MKI67: variants seen among roughly 807,000 people sequenced by gnomAD.
MKI67 encodes marker of proliferation Ki-67.
In MKI67, 152 loss-of-function variants were observed where a neutral mutation model predicts 233.5. The observed-to-expected ratio is 0.65, with a 90% CI of 0.57 to 0.74. The LOEUF (loss-of-function observed/expected upper bound fraction) is 0.74. Ranked by LOEUF, MKI67 falls within the 30% of genes least tolerant of loss-of-function variation. The pLI is 0.00. For missense variants in MKI67, 3,940 were observed against 3,885.2 expected (o/e 1.01, Z -0.37); for synonymous variants, 1,465 against 1,418.5 (o/e 1.03, Z -0.74).
rs1160243881 is a variant in MKI67 at position 128,126,190 on chromosome 10, C to T, written c.-181G>A. ...CCGCAGGAGGAGCCGGCGCCGCGCT[C>T]ACCTCCGCCCGGTAAGCTGCGCCCG... On this transcript the variant is annotated 5_prime_UTR_variant, in exon 1 of 15. Coordinates refer to ENST00000368654, the MANE Select transcript of MKI67 (RefSeq NM_002417.5). The T allele has an allele frequency of 1.3e-5, 2 of 158,138 alleles. No individual in the cohort carries two copies. The highest frequency in any genetic ancestry group is 4.8e-5 in the African/African-American group (2 of 41,480). 9.8% of individuals were successfully genotyped at this position (158,138 alleles called of 1,614,324 possible).
At chr10:128,099,321 C>T in intron 14 of MKI67, 66 bp from the exon 15 acceptor site, 1 of 1,280,546 alleles carries the variant, frequency 7.8e-7, no homozygotes, top group East Asian at 2.4e-5. Context: ...AATCGACCTC[C>T]TCTGCAAAAC....
Position 128,106,330 on chromosome 10 carries a change from T to C in MKI67, c.5510A>G (p.Glu1837Gly), listed in dbSNP as rs771644689. The change falls in exon 13 of 15, where the codon GAG becomes GGG. Residue 1837 changes from glutamate to glycine, a missense_variant. Coordinates refer to ENST00000368654, the MANE Select transcript of MKI67 (RefSeq NM_002417.5). ...QALEELTGFR[E>G]LFQTPCTDNP... ...ATCAGTGCATGGTGTCTGGAAAAGC[T>C]CTCTGAAGCCAGTCAGTTCTTCTAG... 5 of 1,613,834 alleles carry C rather than the reference T, an allele frequency of 3.1e-6. No individual in the cohort carries two copies. In the East Asian group the frequency reaches 8.9e-5, roughly 29 times the overall value.
chr10:128,103,870 A>G lies in MKI67; in HGVS notation c.7970T>C (p.Val2657Ala), dbSNP rs1487801069. The G allele has an allele frequency of 3.7e-6, 6 of 1,613,112 alleles. No homozygotes were observed. The African/African-American group carries it at 4.0e-5, about 11-fold the overall frequency. ...KQRAKKKPNPVEEEPSRRRPR... is the reference protein window; with the variant it reads ...KQRAKKKPNPAEEEPSRRRPR... Reference sequence around the variant, plus strand: ...CCTTCTCCTGCTGGGTTCCTCTTCTACTGGGTTTGGTTTCTTCTTTGCACG... The same window carrying G: ...CCTTCTCCTGCTGGGTTCCTCTTCTGCTGGGTTTGGTTTCTTCTTTGCACG... The change falls in exon 13 of 15, where the codon GTA becomes GCA. Residue 2657 changes from valine to alanine, a missense_variant. Transcript: ENST00000368654.
At position 128,111,830 on chromosome 10, in the gene MKI67, G is replaced by A. The variant is rs1204473796; in HGVS notation, c.2089-14C>T. 7 of 1,612,410 alleles carry A rather than the reference G, an allele frequency of 4.3e-6. No individual in the cohort carries two copies. Among genetic ancestry groups the A allele is most frequent in the Non-Finnish European group, 5.9e-6 (7 of 1,179,422 alleles). ...GCCCACAGGCTTCTGTAGAAAACAG[G>A]AAGGAGGTAAACAGGACATTAAAGC... On this transcript the variant is annotated splice_polypyrimidine_tract_variant and intron_variant, in intron 10 of 14. Coordinates refer to ENST00000368654, the MANE Select transcript of MKI67 (RefSeq NM_002417.5).
Position 128,106,596 on chromosome 10 carries a change from TG to T in MKI67, c.5243del (p.Pro1748GlnfsTer22). The T allele has an allele frequency of 5.6e-6, 9 of 1,614,260 alleles. No individual in the cohort carries two copies. The highest frequency in any genetic ancestry group is 7.6e-6 in the Non-Finnish European group (9 of 1,180,048). On this transcript the variant is annotated frameshift_variant, in exon 13 of 15. Transcript: ENST00000368654. LOFTEE classifies it high-confidence loss of function. ...RASQPDLVDT[P>X]TSSKPQPKRS... ...TCTTGGGCTGTGGCTTGGAGCTTGT[TG>T]GGGTGTCCACTAGGTCTGGCTGTGA...
chr10:128,114,401 A>G (rs1257853242), intron 7 of MKI67, among the ~76,000 whole-genome samples: 1 of 152,192 alleles, frequency 6.6e-6, no homozygotes, highest in Non-Finnish European at 1.5e-5. Context: ...CTGCTATTGC[A>G]CCAAGGATCA....
intron 5 of MKI67, among the ~76,000 whole-genome samples, chr10:128,117,237 C>T (rs538529133): frequency 2.0e-5 from 3 of 152,238 alleles, no homozygotes; most frequent in Admixed American, 6.5e-5. Flanking sequence ...CTACTGACTG[C>T]GTCATCAGTT....
Position 128,112,027 on chromosome 10 carries a change from T to C in MKI67, c.1988A>G (p.Asp663Gly), listed in dbSNP as rs118028690. Residue 663 changes from aspartate to glycine, a missense_variant, in exon 10 of 15, where the codon GAT becomes GGT. Transcript: ENST00000368654. ...TTGTTTTGCACCAAGTTTTACTACA[T>C]CTGCCCATGATTTTGCAACTGTCAA... is the stretch of plus-strand genomic sequence containing the variant. ...ANLIVAKSWA[D>G]VVKLGAKQTQ... The C allele has an allele frequency of 5.7e-4, 920 of 1,612,412 alleles. No individual in the cohort carries two copies. The highest frequency in any genetic ancestry group is 7.3e-4 in the Non-Finnish European group (863 of 1,179,614).
chr10:128,115,639 C>A lies in MKI67; in HGVS notation c.769G>T (p.Val257Phe). 1 of 1,613,696 alleles carries A rather than the reference C, an allele frequency of 6.2e-7. No individual in the cohort carries two copies. Among genetic ancestry groups the A allele is most frequent in the Non-Finnish European group, 8.5e-7 (1 of 1,179,954 alleles). Reference protein sequence around the residue: ...ELDVKSQKENVLQYCRKSGLQ... With the variant: ...ELDVKSQKENFLQYCRKSGLQ... Reference sequence around the variant, plus strand: ...CCAGATTTTCTACAATACTGTAGGACATTTTCTTTTTGTGATTTTACATCC... The same window carrying A: ...CCAGATTTTCTACAATACTGTAGGAAATTTTCTTTTTGTGATTTTACATCC... Residue 257 changes from valine to phenylalanine, a missense_variant, in exon 7 of 15, where the codon GTC (valine) becomes TTC (phenylalanine). Transcript: ENST00000368654.
At position 128,107,071 on chromosome 10, in the gene MKI67, C is replaced by T; in HGVS notation, c.4769G>A (p.Gly1590Asp). 2 of 1,614,156 alleles carry T rather than the reference C, an allele frequency of 1.2e-6. No homozygotes were observed. The highest frequency in any genetic ancestry group is 1.1e-5 in the South Asian group (1 of 91,084). Reference protein sequence around the residue: ...EKAQALEDLAGFKELFQTRGH... With the variant: ...EKAQALEDLADFKELFQTRGH... ...TCGTGTCTGGAAGAGCTCTTTAAAG[C>T]CAGCCAGGTCTTCTAGAGCCTGGGC... is the stretch of plus-strand genomic sequence containing the variant. The change falls in exon 13 of 15, where the codon GGC (glycine) becomes GAC (aspartate). Residue 1590 changes from glycine to aspartate, a missense_variant. Gly to Asp is a moderately conservative substitution (Grantham distance 94, BLOSUM62 -1). Transcript: ENST00000368654.
intron 4 of MKI67, among the ~76,000 whole-genome samples, chr10:128,120,948 A>T (rs966448790): frequency 6.6e-6 from 1 of 152,226 alleles, no homozygotes; most frequent in Non-Finnish European, 1.5e-5. Flanking sequence ...GTCACCTGAC[A>T]ACAGGTTCCA....
At position 128,106,037 on chromosome 10, in the gene MKI67, GTAAATTTCC is replaced by G. The variant is rs753675874; in HGVS notation, c.5794_5802del (p.Gly1932_Leu1934del). 3 of 1,613,962 alleles carry G rather than the reference GTAAATTTCC, an allele frequency of 1.9e-6. No homozygotes were observed. Among genetic ancestry groups the G allele is most frequent in the African/African-American group, 2.7e-5 (2 of 74,900 alleles). ...GTTTGTGGCCGTCTCTTGCTGCCAG[GTAAATTTCC>G]TAGCAGGTCCAGTTTCTCCACTGGA... On this transcript the variant is annotated inframe_deletion, in exon 13 of 15. Transcript: ENST00000368654.
At chr10:128,117,575 C>A (rs1429249463) in intron 5 of MKI67, among the ~76,000 whole-genome samples, 1 of 152,234 alleles carries the variant, frequency 6.6e-6, no homozygotes, top group African/African-American at 2.4e-5. Context: ...AGCTTATCAT[C>A]TGGATTATTA....
chr10:128,115,011 T>A lies in MKI67; in HGVS notation c.1397A>T (p.Lys466Ile). 1 of 1,610,798 alleles carries A rather than the reference T, an allele frequency of 6.2e-7. No individual in the cohort carries two copies. Among genetic ancestry groups the A allele is most frequent in the African/African-American group, 1.3e-5 (1 of 74,990 alleles). The change falls in exon 7 of 15, where the codon AAA becomes ATA. Residue 466 changes from lysine (K) to isoleucine (I), a missense_variant. Coordinates refer to ENST00000368654, the MANE Select transcript of MKI67 (RefSeq NM_002417.5). ...CATCTGTCCAGCTGTAGTGCCCAAT[T>A]TCTCAGGCTTGCTGAGGGAATCCTT... Reference protein sequence around the residue: ...IQKDSLSKPEKLGTTAGQMCS... With the variant: ...IQKDSLSKPEILGTTAGQMCS...
At chr10:128,100,709 T>TAA (rs1852318056) in intron 14 of MKI67, among the ~76,000 whole-genome samples, 1 of 152,198 alleles carries the variant, frequency 6.6e-6, no homozygotes, top group Admixed American at 6.5e-5. Flanking sequence ...CAGTAGCACT[T>TAA]AAAGTTCATT....
At chr10:128,121,528 T>C (rs1233381333) in intron 4 of MKI67, among the ~76,000 whole-genome samples, 1 of 19,548 alleles carries the variant, frequency 5.1e-5, no homozygotes, top group African/African-American at 8.4e-4. Flanking sequence ...TATATAATAT[T>C]ATATATTATA....
At position 128,104,972 on chromosome 10, in the gene MKI67, A is replaced by T; in HGVS notation, c.6868T>A (p.Leu2290Met). ...CCAGGTAAATTTCCTGGCAGGTCCA[A>T]TTTCTGCACTGGAGTTCCCATAAAT... ...KAFMGTPVQK[L>M]DLPGNLPGSK... Residue 2290 changes from leucine to methionine, a missense_variant, in exon 13 of 15, where the codon TTG becomes ATG. Coordinates refer to ENST00000368654, the MANE Select transcript of MKI67 (RefSeq NM_002417.5). 6.2e-7 allele frequency: 1 copy of T among 1,606,028 alleles called. No individual in the cohort carries two copies. The highest frequency in any genetic ancestry group is 8.5e-7 in the Non-Finnish European group (1 of 1,177,664).
chr10:128,109,827 A>G (rs1382780117), intron 12 of MKI67, among the ~76,000 whole-genome samples: 1 of 152,226 alleles, frequency 6.6e-6, no homozygotes, highest in Non-Finnish European at 1.5e-5. Flanking sequence ...GTTAGGGTCC[A>G]TATTACACAG....
chr10:128,124,940 C>T (rs1324909913), intron 2 of MKI67, among the ~76,000 whole-genome samples: 4 of 118,962 alleles, frequency 3.4e-5, no homozygotes, highest in Non-Finnish European at 7.6e-5. Flanking sequence ...GTTGGGAGGA[C>T]AGGGTGAGGC....
Sources: gnomAD v4.1 joint callset for allele counts (sites outside exome capture counted in the v4.1 genomes callset) on GRCh38, gnomAD v4.1.1 for gene constraint, MANE v1.5 for transcripts, NCBI Gene and HGNC (gene_info 2026-07-23, HGNC 2026-07-21) for gene names.